The following MFN2 variants were observed in gnomAD, a reference collection of about 807,000 sequenced individuals.
MFN2 encodes the protein mitofusin 2, also known as mitofusin-2.
MFN2 carries 43 observed loss-of-function variants against 87.5 expected under a neutral mutation model. The observed-to-expected ratio is 0.49, with a 90% confidence interval of 0.38 to 0.63. The LOEUF is 0.63. Among genes scored for constraint, MFN2 ranks in the 30% least tolerant of loss-of-function variants. MFN2 has a pLI of 0.00. For synonymous variants in MFN2, 337 were observed against 359.9 expected (o/e 0.94, Z 0.72); for missense variants, 743 against 972.8 (o/e 0.76, Z 3.14).
intron 5 of MFN2, 150 bp downstream of exon 5, chr1:11,996,468 T>C: frequency 1.0e-6 from 1 of 962,266 alleles, no homozygotes; most frequent in South Asian, 1.6e-5. Context: ...TTTTGAAGGA[T>C]GTAAGAGCTT....
At chr1:11,994,955 C>A (rs1220557056) in intron 4 of MFN2, among the ~76,000 whole-genome samples, 1 of 152,066 alleles carries the variant, frequency 6.6e-6, no homozygotes, top group South Asian at 2.1e-4. Flanking sequence ...TCTCAAGAAG[C>A]AGAAATGGTG....
chr1:11,987,200 C>T (rs1180466188), intron 2 of MFN2, among the ~76,000 whole-genome samples: 6 of 151,414 alleles, frequency 4.0e-5, no homozygotes, highest in Non-Finnish European at 8.8e-5. Context: ...CCAAGCTACT[C>T]AGGAGGCTGA....
intron 2 of MFN2, among the ~76,000 whole-genome samples, chr1:11,985,340 A>G (rs542665672): frequency 6.6e-6 from 1 of 152,294 alleles, no homozygotes. Context: ...CTGTGATGAA[A>G]TAACTTGCTT....
intron 5 of MFN2, among the ~76,000 whole-genome samples, chr1:11,996,600 G>A (rs1638917318): frequency 6.6e-6 from 1 of 152,196 alleles, no homozygotes; most frequent in Admixed American, 6.5e-5. Flanking sequence ...GACAGTATGT[G>A]CTGTGTTCTT....
chr1:11,998,749 G>T (rs1639040113), intron 6 of MFN2, 21 bp from the exon 7 acceptor site: 1 of 1,609,980 alleles, frequency 6.2e-7, no homozygotes, highest in Non-Finnish European at 8.5e-7. Context: ...TGATGATTTG[G>T]TTTACCCCTG....
chr1:12,011,685 C>T lies in MFN2; in HGVS notation c.*120C>T. 1 of 1,032,866 alleles carries T rather than the reference C, an allele frequency of 9.7e-7. No homozygotes were observed. The highest frequency in any genetic ancestry group is 1.5e-6 in the Non-Finnish European group (1 of 670,732). The allele number at this position is 1,032,866 out of a possible 1,614,324, so 64.0% of individuals were successfully genotyped here. On this transcript the variant is annotated 3_prime_UTR_variant, in exon 19 of 19. Transcript: ENST00000235329. ...CCTGGCCACTGCCAAGAGAATGAAGCACCCAGTCTCGTACCATTTTGAGCC... is the reference window on the plus strand; with the variant it reads ...CCTGGCCACTGCCAAGAGAATGAAGTACCCAGTCTCGTACCATTTTGAGCC...
intron 17 of MFN2, among the ~76,000 whole-genome samples, chr1:12,008,542 G>T (rs1174187523): frequency 1.3e-5 from 2 of 151,792 alleles, no homozygotes; most frequent in South Asian, 4.2e-4. Flanking sequence ...CGGCTGCCTG[G>T]CGGAGGGGCT....
Position 11,996,332 on chromosome 1 carries a change from G to A in MFN2, c.474+14G>A. The A allele has an allele frequency of 6.2e-7, 1 of 1,613,868 alleles. No individual in the cohort carries two copies. The highest frequency in any genetic ancestry group is 8.5e-7 in the Non-Finnish European group (1 of 1,179,956). On this transcript the variant is annotated intron_variant, in intron 5 of 18. Transcript: ENST00000235329. Reference sequence around the variant, plus strand: ...AGGAGTGCCAAGGTGAGGGTGCCAGGCTGGCTGTCAGCCCTGTGCCTGCTG... The same window carrying A: ...AGGAGTGCCAAGGTGAGGGTGCCAGACTGGCTGTCAGCCCTGTGCCTGCTG...
intron 4 of MFN2, 71 bp downstream of exon 4, chr1:11,992,761 A>C: frequency 6.3e-7 from 1 of 1,592,214 alleles, no homozygotes; most frequent in Non-Finnish European, 8.6e-7. Context: ...GTGCAAGGTC[A>C]CAGAACGTTC....
chr1:12,001,517 C>T lies in MFN2; in HGVS notation c.933C>T (p.Asn311=), dbSNP rs150857365. ...IFFVSAKEVL[N]ARIQKAQGMP... Reference sequence around the variant, plus strand: ...TTGTGTCTGCTAAGGAGGTGCTCAACGCCAGGATTCAGAAAGCCCAGGGCA... The same window carrying T: ...TTGTGTCTGCTAAGGAGGTGCTCAATGCCAGGATTCAGAAAGCCCAGGGCA... The change falls in exon 9 of 19, where the codon AAC becomes AAT. Residue 311 remains asparagine (N), a synonymous_variant. Transcript: ENST00000235329. The T allele has an allele frequency of 4.2e-5, 68 of 1,614,058 alleles. No homozygotes were observed. The highest frequency in any genetic ancestry group is 5.6e-5 in the Non-Finnish European group (66 of 1,180,040).
intron 17 of MFN2, among the ~76,000 whole-genome samples, chr1:12,007,826 T>C (rs909257876): frequency 2.0e-5 from 3 of 151,902 alleles, no homozygotes; most frequent in African/African-American, 7.3e-5. Flanking sequence ...CATAGGACAA[T>C]AGTGGAGGGA....
Position 12,013,195 on chromosome 1 carries a change from A to G in MFN2, c.*1630A>G, listed in dbSNP as rs79081416. On this transcript the variant is annotated 3_prime_UTR_variant, in exon 19 of 19. Coordinates refer to ENST00000235329, the MANE Select transcript of MFN2 (RefSeq NM_014874.4). ...TCCAATGGATTTTGTGCTCTTTTTG[A>G]AAAAAAAAAATTCTTTAGCGTAAAC... is the stretch of plus-strand genomic sequence containing the variant. 2 of 241,586 alleles carry G rather than the reference A, an allele frequency of 8.3e-6. No individual in the cohort carries two copies. Among genetic ancestry groups the G allele is most frequent in the South Asian group, 3.8e-5 (1 of 26,374 alleles). 15.0% of individuals were successfully genotyped at this position (241,586 alleles called of 1,614,324 possible).
intron 3 of MFN2, 130 bp from the exon 4 acceptor site, chr1:11,992,425 C>T: frequency 8.6e-7 from 1 of 1,165,416 alleles, no homozygotes; most frequent in East Asian, 2.3e-5. Context: ...TGGAGCTCAG[C>T]CTGTCGGCTG....
intron 17 of MFN2, among the ~76,000 whole-genome samples, chr1:12,009,001 C>T (rs1169668210): frequency 6.6e-6 from 1 of 152,234 alleles, no homozygotes; most frequent in African/African-American, 2.4e-5. Flanking sequence ...AGCTGGAGAC[C>T]AGCGCGGCCA....
At chr1:12,006,975 TG>T (rs1639450384) in intron 16 of MFN2, 77 bp from the exon 17 acceptor site, 1 of 1,556,914 alleles carries the variant, frequency 6.4e-7, no homozygotes. Context: ...GCCCTTCAGA[TG>T]GCCCTGGTAG....
intron 8 of MFN2, among the ~76,000 whole-genome samples, chr1:11,999,981 C>T (rs1040478078): frequency 3.2e-4 from 49 of 151,726 alleles, no homozygotes; most frequent in South Asian, 2.1e-4. Context: ...CCTGTAGTCC[C>T]AGCTACGCGG....
At chr1:12,006,832 G>A in intron 16 of MFN2, 139 bp downstream of exon 16, 1 of 1,378,594 alleles carries the variant, frequency 7.3e-7, no homozygotes, top group Non-Finnish European at 1.0e-6. Context: ...GATTGCATGG[G>A]GAGCGCTTAC....
At chr1:11,997,038 CAAAAAAAAA>C (rs35141271) in intron 5 of MFN2, among the ~76,000 whole-genome samples, 2 of 99,816 alleles carry the variant, frequency 2.0e-5, no homozygotes, top group African/African-American at 3.7e-5. Flanking sequence ...GACTCCGTCT[CAAAAAAAAA>C]AAAAAAAAAA....
rs373809750 is a variant in MFN2 at position 12,005,771 on chromosome 1, G to A, written c.1556G>A (p.Arg519His). ...AGTCAGATAGACATGCTGGTCCCACGCCAGTGCTTCTCCCTCAACTATGAC... is the reference window on the plus strand; with the variant it reads ...AGTCAGATAGACATGCTGGTCCCACACCAGTGCTTCTCCCTCAACTATGAC... Reference protein sequence around the residue: ...VRSQIDMLVPRQCFSLNYDLN... With the variant: ...VRSQIDMLVPHQCFSLNYDLN... Residue 519 changes from arginine to histidine, a missense_variant, in exon 15 of 19, where the codon CGC becomes CAC. Physicochemically the swap from Arg to His is conservative, Grantham distance 29 (BLOSUM62 0). This residue lies in a region of MFN2 where 571 missense variants were observed against 670.7 expected (regional missense o/e 0.85). Transcript: ENST00000235329. 5 of 1,614,052 alleles carry A rather than the reference G, an allele frequency of 3.1e-6. No homozygotes were observed. Among genetic ancestry groups the A allele is most frequent in the Middle Eastern group, 1.6e-4 (1 of 6,084 alleles).
Sources: allele counts gnomAD v4.1 joint callset (sites outside exome capture counted in the v4.1 genomes callset), GRCh38; gene constraint gnomAD v4.1.1; regional missense constraint gnomAD v4.1.1; transcripts MANE v1.5; gene names NCBI Gene and HGNC (gene_info 2026-07-23, HGNC 2026-07-21).